CACNG4: variants seen among roughly 807,000 people sequenced by gnomAD.
CACNG4 encodes voltage-dependent calcium channel gamma-4 subunit.
A neutral mutation model predicts 22.9 loss-of-function variants in CACNG4; 8 were observed. That is an observed-to-expected ratio of 0.35 (90% confidence interval 0.21 to 0.63). The LOEUF (loss-of-function observed/expected upper bound fraction) is 0.63, where lower values mean the gene tolerates loss of function less well. CACNG4 is among the 30% of genes least tolerant of loss of function. The pLI is 0.72. For synonymous variants in CACNG4, 188 were observed against 191.9 expected (o/e 0.98, Z 0.17); for missense variants, 357 against 455.4 (o/e 0.78, Z 1.97).
At chr17:66,969,337 C>T (rs1433641981) in intron 1 of CACNG4, among the ~76,000 whole-genome samples, 1 of 152,222 alleles carries the variant, frequency 6.6e-6, no homozygotes, top group Non-Finnish European at 1.5e-5. Context: ...GGCGCCTCAG[C>T]CGTGCCCCTC....
At chr17:67,020,590 G>T (rs913744332) in intron 2 of CACNG4, among the ~76,000 whole-genome samples, 1 of 152,202 alleles carries the variant, frequency 6.6e-6, no homozygotes, top group Non-Finnish European at 1.5e-5. Flanking sequence ...TTTCCACTCG[G>T]TGGCTGCAGA....
At chr17:67,005,835 T>C (rs1169101116) in intron 1 of CACNG4, among the ~76,000 whole-genome samples, 1 of 152,182 alleles carries the variant, frequency 6.6e-6, no homozygotes, top group East Asian at 1.9e-4. Flanking sequence ...CACTGCCTGG[T>C]TCTACAGATG....
chr17:67,015,516 G>A (rs2035491982), intron 1 of CACNG4, among the ~76,000 whole-genome samples: 1 of 152,162 alleles, frequency 6.6e-6, no homozygotes, highest in African/African-American at 2.4e-5. Context: ...GTTGTCATGG[G>A]GAGAAGCTGA....
At chr17:66,985,474 A>G (rs1482519498) in intron 1 of CACNG4, among the ~76,000 whole-genome samples, 2 of 152,164 alleles carry the variant, frequency 1.3e-5, no homozygotes, top group Non-Finnish European at 2.9e-5. Context: ...TTAGAGTGTC[A>G]TTTGTCTTAG....
chr17:67,001,639 G>A (rs1289843057), intron 1 of CACNG4, among the ~76,000 whole-genome samples: 1 of 152,194 alleles, frequency 6.6e-6, no homozygotes, highest in Non-Finnish European at 1.5e-5. Context: ...GGCCTAGCAT[G>A]GTGCCTGGCA....
rs190944897 is a variant in CACNG4 at position 66,978,852 on chromosome 17, G to A, written c.220+13721G>A. On this transcript the variant is annotated intron_variant, in intron 1 of 3. Coordinates refer to ENST00000262138, the MANE Select transcript of CACNG4 (RefSeq NM_014405.4). ...GAAAAATGGCTTTGGTTGTCTTTCT[G>A]CCTGCGGATTCCTGAGCGTGAGTGG... 4.0e-4 allele frequency among the ~76,000 whole-genome samples: 61 copies of A among 152,340 alleles called. 1 individual carries two copies. The highest frequency in any genetic ancestry group is 1.6e-3 in the Admixed American group (25 of 15,310).
chr17:67,018,642 C>T (rs553238237), intron 2 of CACNG4, among the ~76,000 whole-genome samples: 37 of 152,278 alleles, frequency 2.4e-4, no homozygotes, highest in African/African-American at 8.9e-4. Context: ...CAGGCTGGGC[C>T]TCCCTGAGGG....
At chr17:66,992,903 A>G (rs1172187656) in intron 1 of CACNG4, among the ~76,000 whole-genome samples, 1 of 152,268 alleles carries the variant, frequency 6.6e-6, no homozygotes, top group Non-Finnish European at 1.5e-5. Context: ...CGTTTGGGCC[A>G]TACATAAAAC....
Position 67,032,816 on chromosome 17 carries a change from T to A in CACNG4, c.*1812T>A, listed in dbSNP as rs982745772. On this transcript the variant is annotated 3_prime_UTR_variant, in exon 4 of 4. Coordinates refer to ENST00000262138, the MANE Select transcript of CACNG4 (RefSeq NM_014405.4). ...CTTCACCTGCTCTAGGCCAGCCCTG[T>A]CACCACCTCCACTGCCATGACCAGG... 1 of 152,882 alleles carries A rather than the reference T, an allele frequency of 6.5e-6. No homozygotes were observed. Among genetic ancestry groups the A allele is most frequent in the Non-Finnish European group, 1.5e-5 (1 of 68,288 alleles). The allele number at this position is 152,882 out of a possible 1,614,324, so 9.5% of individuals were successfully genotyped here.
At chr17:67,002,980 T>G (rs896051507) in intron 1 of CACNG4, among the ~76,000 whole-genome samples, 12 of 152,220 alleles carry the variant, frequency 7.9e-5, no homozygotes, top group Admixed American at 5.9e-4. Context: ...TCAGGGGAGC[T>G]CTGCTTCTTT....
At chr17:66,999,355 A>G (rs2035393912) in intron 1 of CACNG4, among the ~76,000 whole-genome samples, 1 of 152,184 alleles carries the variant, frequency 6.6e-6, no homozygotes, top group Admixed American at 6.5e-5. Context: ...CCGCCCCCAC[A>G]GACTTCGGTC....
chr17:66,995,736 GC>G (rs1166479260), intron 1 of CACNG4, among the ~76,000 whole-genome samples: 1 of 152,068 alleles, frequency 6.6e-6, no homozygotes, highest in Non-Finnish European at 1.5e-5. Context: ...TGTAATCCTA[GC>G]TACTCGGGAG....
chr17:66,981,703 C>T (rs907845192), intron 1 of CACNG4, among the ~76,000 whole-genome samples: 1 of 152,148 alleles, frequency 6.6e-6, no homozygotes, highest in Non-Finnish European at 1.5e-5. Flanking sequence ...CATTCAACAC[C>T]CTCCTGCTGG....
intron 2 of CACNG4, 35 bp downstream of exon 2, chr17:67,018,307 G>A: frequency 6.4e-7 from 1 of 1,558,620 alleles, no homozygotes; most frequent in South Asian, 1.1e-5. Context: ...TCTTTCTGTG[G>A]GGAGGCGGAA....
intron 1 of CACNG4, among the ~76,000 whole-genome samples, chr17:66,969,461 G>T (rs2035191065): frequency 1.3e-5 from 2 of 152,230 alleles, no homozygotes; most frequent in Admixed American, 6.5e-5. Context: ...CCAGCTCTGT[G>T]CTGGGTACTA....
In CACNG4 at chr17:67,030,299, C is replaced by G. The variant is rs1335500174; in HGVS notation, c.446-167C>G. On this transcript the variant is annotated intron_variant, in intron 3 of 3. Coordinates refer to ENST00000262138, the MANE Select transcript of CACNG4 (RefSeq NM_014405.4). The surrounding 1 kb of genome is among the most constrained non-coding windows in gnomAD (Gnocchi z 6.4). ...TCATTTGAACTTTGTACTCTATTAC[C>G]CATTCAACATTAATTACTGAAAAGA... Among the ~76,000 whole-genome samples the G allele has an allele frequency of 6.6e-6, 1 of 152,020 alleles. No individual in the cohort carries two copies. The highest frequency in any genetic ancestry group is 1.5e-5 in the Non-Finnish European group (1 of 68,012).
At chr17:66,970,203 G>A (rs886609103) in intron 1 of CACNG4, among the ~76,000 whole-genome samples, 1 of 152,284 alleles carries the variant, frequency 6.6e-6, no homozygotes, top group African/African-American at 2.4e-5. Context: ...CTCACTCCCC[G>A]GATCACGGCC....
At position 67,030,523 on chromosome 17, in the gene CACNG4, G is replaced by C; in HGVS notation, c.503G>C (p.Ser168Thr). The C allele has an allele frequency of 6.2e-7, 1 of 1,614,154 alleles. No homozygotes were observed. The highest frequency in any genetic ancestry group is 8.5e-7 in the Non-Finnish European group (1 of 1,180,026). Residue 168 changes from serine (S) to threonine (T), a missense_variant, in exon 4 of 4, where the codon AGT (serine) becomes ACT (threonine). Around this residue, in one of 3 missense-constraint regions of CACNG4, gnomAD observed 240 missense variants for 277.6 expected, o/e 0.86. Transcript: ENST00000262138. The surrounding 1 kb of genome is among the most constrained non-coding windows in gnomAD (Gnocchi z 6.4). ...VYISSNTGDPSDKRDEDKKNH... is the reference protein window; with the variant it reads ...VYISSNTGDPTDKRDEDKKNH... The stretch of plus-strand genomic sequence containing the variant: ...ATTTCCAGCAACACAGGTGACCCGA[G>C]TGACAAGCGGGACGAAGACAAAAAG...
chr17:67,000,021 T>C (rs531368978), intron 1 of CACNG4, among the ~76,000 whole-genome samples: 2 of 152,242 alleles, frequency 1.3e-5, no homozygotes, highest in African/African-American at 4.8e-5. Context: ...TTAGATGAAA[T>C]TAGTGGTGTC....
Sources: allele counts gnomAD v4.1 joint callset (sites outside exome capture counted in the v4.1 genomes callset), GRCh38; gene constraint gnomAD v4.1.1; regional missense constraint gnomAD v4.1.1; non-coding constraint Gnocchi (gnomAD v3.1); transcripts MANE v1.5; gene names NCBI Gene and HGNC (gene_info 2026-07-23, HGNC 2026-07-21).